Variants in KCND3 observed in about 807,000 individuals in gnomAD.
KCND3 encodes the protein potassium voltage-gated channel subfamily D member 3.
Under a neutral mutation model 51.1 loss-of-function variants are expected in KCND3, and 9 were observed. That is an observed-to-expected ratio of 0.18 (90% CI 0.11 to 0.31). KCND3 has a LOEUF of 0.31. Among genes scored for constraint, KCND3 ranks in the 10% least tolerant of loss-of-function variants. KCND3 has a pLI of 1.00. For synonymous variants in KCND3, 349 were observed against 368.0 expected (o/e 0.95, Z 0.59); for missense variants, 526 against 903.8 (o/e 0.58, Z 5.36).
chr1:111,877,515 A>G (rs1209882353), intron 2 of KCND3, among the ~76,000 whole-genome samples: 2 of 152,222 alleles, frequency 1.3e-5, no homozygotes, highest in Admixed American at 1.3e-4. Flanking sequence ...AGGAAGGCCC[A>G]GGAGAGACTA....
intron 2 of KCND3, among the ~76,000 whole-genome samples, chr1:111,881,069 A>G (rs922390261): frequency 5.9e-5 from 9 of 152,072 alleles, no homozygotes; most frequent in Admixed American, 3.9e-4. Context: ...TCTGTCTCCC[A>G]GCCTGGAAGC....
At chr1:111,902,437 G>T (rs188169103) in intron 2 of KCND3, among the ~76,000 whole-genome samples, 1 of 152,272 alleles carries the variant, frequency 6.6e-6, no homozygotes, top group East Asian at 1.9e-4. Context: ...GGCTAAGAGA[G>T]GCCCCCAACA....
intron 2 of KCND3, among the ~76,000 whole-genome samples, chr1:111,934,511 A>G (rs1314741697): frequency 6.6e-6 from 1 of 152,196 alleles, no homozygotes; most frequent in South Asian, 2.1e-4. Flanking sequence ...TGTCTAAATT[A>G]ATCCACGGGG....
intron 2 of KCND3, among the ~76,000 whole-genome samples, chr1:111,789,534 A>C (rs1271960164): frequency 1.3e-5 from 2 of 152,204 alleles, no homozygotes; most frequent in Non-Finnish European, 2.9e-5. Context: ...TTGAGAAATC[A>C]TGGTGCAGCA....
intron 2 of KCND3, among the ~76,000 whole-genome samples, chr1:111,831,493 T>C (rs1666831085): frequency 6.6e-6 from 1 of 152,214 alleles, no homozygotes; most frequent in Non-Finnish European, 1.5e-5. Flanking sequence ...TCCCCAGCCA[T>C]GCTCCCTGGA....
rs79753095 is a variant in KCND3, at chr1:111,965,447, C to A, written c.1106+16174G>T. Reference sequence around the variant, plus strand: ...CTTATGGCCAGCAAAACCACACACACACACACACACACACACACACACACA... The same window carrying A: ...CTTATGGCCAGCAAAACCACACACAAACACACACACACACACACACACACA... On this transcript the variant is annotated intron_variant, in intron 2 of 7. Transcript: ENST00000302127. Among the ~76,000 whole-genome samples, 71 of 114,730 alleles carry A rather than the reference C, an allele frequency of 6.2e-4. 4 individuals are homozygous for A. Among genetic ancestry groups the A allele is most frequent in the Non-Finnish European group, 8.7e-4 (44 of 50,864 alleles). The allele number at this position is 114,730 out of a possible 152,430, so 75.3% of individuals were successfully genotyped here.
intron 2 of KCND3, among the ~76,000 whole-genome samples, chr1:111,808,704 T>C (rs1189591475): frequency 1.3e-5 from 2 of 152,180 alleles, no homozygotes; most frequent in Non-Finnish European, 2.9e-5. Flanking sequence ...ATTCTGGAAA[T>C]TCTGATGCAC....
intron 2 of KCND3, among the ~76,000 whole-genome samples, chr1:111,942,000 C>T (rs1460713598): frequency 6.6e-6 from 1 of 152,120 alleles, no homozygotes; most frequent in Non-Finnish European, 1.5e-5. Context: ...TTCACAGGCT[C>T]CTGCAATCTA....
chr1:111,977,433 G>A (rs1674694492), intron 2 of KCND3, among the ~76,000 whole-genome samples: 1 of 152,156 alleles, frequency 6.6e-6, no homozygotes, highest in Admixed American at 6.5e-5. Flanking sequence ...TTCCTGCTTG[G>A]AAGAAGTAAA....
chr1:111,933,147 A>G (rs1672058382), intron 2 of KCND3, among the ~76,000 whole-genome samples: 1 of 151,980 alleles, frequency 6.6e-6, no homozygotes, highest in South Asian at 2.1e-4. Context: ...CCCTATTGGC[A>G]CTCATTCTCT....
At chr1:111,975,057 G>A (rs1428566185) in intron 2 of KCND3, among the ~76,000 whole-genome samples, 1 of 152,206 alleles carries the variant, frequency 6.6e-6, no homozygotes, top group African/African-American at 2.4e-5. Flanking sequence ...TTTTAGAGTG[G>A]CCTCTCTGTT....
At chr1:111,883,047 C>G (rs768465137) in intron 2 of KCND3, among the ~76,000 whole-genome samples, 2 of 152,256 alleles carry the variant, frequency 1.3e-5, no homozygotes, top group Non-Finnish European at 2.9e-5. Context: ...CAAGTCATGT[C>G]TCTCAAAAGA....
chr1:111,780,658 T>C lies in KCND3; in HGVS notation c.1371+32A>G. ...GAAAACAAGCCCATCTACCCCTTTA[T>C]GTTCCCTAGCCCAGGTCCTCTAGGC... On this transcript the variant is annotated intron_variant, in intron 4 of 7. Coordinates refer to ENST00000302127, the MANE Select transcript of KCND3 (RefSeq NM_001378969.1). The surrounding 1 kb of genome is among the most constrained non-coding windows in gnomAD (Gnocchi z 4.2). 1 of 1,559,662 alleles carries C rather than the reference T, an allele frequency of 6.4e-7. No homozygotes were observed. The highest frequency in any genetic ancestry group is 8.8e-7 in the Non-Finnish European group (1 of 1,141,428).
chr1:111,795,740 T>C (rs1665027129), intron 2 of KCND3, among the ~76,000 whole-genome samples: 1 of 152,236 alleles, frequency 6.6e-6, no homozygotes, highest in African/African-American at 2.4e-5. Context: ...TTTCTGTTTT[T>C]AGGTCTTTGA....
intron 2 of KCND3, among the ~76,000 whole-genome samples, chr1:111,964,835 C>A (rs1462788255): frequency 1.3e-5 from 2 of 152,098 alleles, no homozygotes; most frequent in Non-Finnish European, 2.9e-5. Context: ...GCTTCCCTCA[C>A]CTTTCTCCCC....
At chr1:111,972,903 T>C (rs1674420093) in intron 2 of KCND3, among the ~76,000 whole-genome samples, 1 of 152,236 alleles carries the variant, frequency 6.6e-6, no homozygotes. Flanking sequence ...TTAGTTTAAT[T>C]CTCTTAGTTT....
intron 2 of KCND3, among the ~76,000 whole-genome samples, chr1:111,961,872 A>G (rs1673680789): frequency 6.6e-6 from 1 of 152,198 alleles, no homozygotes; most frequent in Non-Finnish European, 1.5e-5. Flanking sequence ...CTCGACCCCA[A>G]GTGAGTGATG....
At chr1:111,959,370 C>G (rs1188503442) in intron 2 of KCND3, among the ~76,000 whole-genome samples, 2 of 152,162 alleles carry the variant, frequency 1.3e-5, no homozygotes, top group Non-Finnish European at 2.9e-5. Context: ...TTTAAACATT[C>G]CACCTCAAGC....
intron 3 of KCND3, among the ~76,000 whole-genome samples, chr1:111,786,174 G>T (rs1433466472): frequency 6.6e-6 from 1 of 152,212 alleles, no homozygotes; most frequent in African/African-American, 2.4e-5. Context: ...AACCTCACTG[G>T]CTAGATGCCT....
Sources: allele counts gnomAD v4.1 joint callset (sites outside exome capture counted in the v4.1 genomes callset), GRCh38; gene constraint gnomAD v4.1.1; non-coding constraint Gnocchi (gnomAD v3.1); transcripts MANE v1.5; gene names NCBI Gene and HGNC (gene_info 2026-07-23, HGNC 2026-07-21).